Variants in CTNNB1 observed in about 807,000 individuals in gnomAD.
CTNNB1 encodes the protein catenin beta-1.
A neutral mutation model predicts 82.5 loss-of-function variants in CTNNB1; 6 were observed. The observed-to-expected ratio is 0.07, with a 90% CI of 0.04 to 0.14. The LOEUF (loss-of-function observed/expected upper bound fraction) is 0.14, where lower values mean the gene tolerates loss of function less well. Ranked by LOEUF, CTNNB1 falls within the 10% of genes least tolerant of loss-of-function variation. CTNNB1 has a pLI of 1.00. For synonymous variants in CTNNB1, 312 were observed against 329.7 expected, an observed-to-expected ratio of 0.95 and a Z score of 0.58; for missense variants, 529 against 980.4, an observed-to-expected ratio of 0.54 and a Z score of 6.15.
At position 41,239,986 on chromosome 3, in the gene CTNNB1, CTT is replaced by C. The variant is rs1207330730; in HGVS notation, c.*668_*669del. 993 of 32,308 alleles carry C rather than the reference CTT, an allele frequency of 0.031. No homozygotes were observed. The highest frequency in any genetic ancestry group is 0.075 in the East Asian group (216 of 2,886). 2.0% of individuals were successfully genotyped at this position (32,308 alleles called of 1,614,324 possible). On this transcript the variant is annotated 3_prime_UTR_variant, in exon 15 of 15. Coordinates refer to ENST00000349496, the MANE Select transcript of CTNNB1 (RefSeq NM_001904.4). ...TGACTTTGCTTGCTTTGAAGTAGCTCTTTTTTTTTTTTTTTTTTTTTTTTTGC... is the reference window on the plus strand; with the variant it reads ...TGACTTTGCTTGCTTTGAAGTAGCTCTTTTTTTTTTTTTTTTTTTTTTTGC...
intron 1 of CTNNB1, among the ~76,000 whole-genome samples, chr3:41,218,737 AG>A (rs2077970920): frequency 6.6e-6 from 1 of 152,206 alleles, no homozygotes; most frequent in Non-Finnish European, 1.5e-5. Context: ...TAGTATTTTT[AG>A]TAGAGACAGG....
rs554998963 is a variant in CTNNB1 at position 41,227,241 on chromosome 3, T to C, written c.970T>C (p.Leu324=). Reference sequence around the variant, plus strand: ...ACTGGCTAGTGGTGGACCCCAAGCTTTAGTAAATATAATGAGGACCTATAC... The same window carrying C: ...ACTGGCTAGTGGTGGACCCCAAGCTCTAGTAAATATAATGAGGACCTATAC... ...IILASGGPQA[L]VNIMRTYTYE... The change falls in exon 7 of 15, where the codon TTA becomes CTA. Residue 324 remains leucine, a synonymous_variant. Coordinates refer to ENST00000349496, the MANE Select transcript of CTNNB1 (RefSeq NM_001904.4). The C allele has an allele frequency of 9.9e-6, 16 of 1,612,574 alleles. No homozygotes were observed. Among genetic ancestry groups the C allele is most frequent in the Non-Finnish European group, 1.4e-5 (16 of 1,178,736 alleles).
At chr3:41,236,871 C>A in intron 13 of CTNNB1, 162 bp downstream of exon 13, 2 of 832,372 alleles carry the variant, frequency 2.4e-6, no homozygotes, top group Non-Finnish European at 3.9e-6. Flanking sequence ...TGAGGAAGAA[C>A]TATAATACAA....
At chr3:41,238,992 G>GAT in intron 14 of CTNNB1, 142 bp from the exon 15 acceptor site, 2 of 739,082 alleles carry the variant, frequency 2.7e-6, no homozygotes, top group Non-Finnish European at 4.8e-6. Flanking sequence ...GGAGGTTGAA[G>GAT]AGGCTAGAAA....
intron 7 of CTNNB1, among the ~76,000 whole-genome samples, chr3:41,230,189 A>G (rs1334365354): frequency 6.6e-6 from 1 of 152,212 alleles, no homozygotes; most frequent in East Asian, 1.9e-4. Flanking sequence ...TCTTGGGGAT[A>G]GACAAATGTG....
At chr3:41,205,515 T>A (rs778722458) in intron 1 of CTNNB1, among the ~76,000 whole-genome samples, 3 of 151,912 alleles carry the variant, frequency 2.0e-5, no homozygotes, top group Non-Finnish European at 4.4e-5. Flanking sequence ...GCCGACGTGG[T>A]GAATACAAAA....
chr3:41,234,173 G>C lies in CTNNB1; in HGVS notation c.1559G>C (p.Cys520Ser), dbSNP rs1465536580. The C allele has an allele frequency of 6.2e-7, 1 of 1,614,060 alleles. No individual in the cohort carries two copies. The highest frequency in any genetic ancestry group is 1.3e-5 in the African/African-American group (1 of 74,906). ...TVGLIRNLAL[C>S]PANHAPLREQ... is the part of the protein sequence containing the mutation. ...GGATTGATTCGAAATCTTGCCCTTT[G>C]TCCCGCAAATCATGCACCTTTGCGT... The change falls in exon 10 of 15, where the codon TGT (cysteine) becomes TCT (serine). Residue 520 changes from cysteine (C) to serine (S), a missense_variant. By Grantham distance (112) the Cys-to-Ser change is moderately radical. Coordinates refer to ENST00000349496, the MANE Select transcript of CTNNB1 (RefSeq NM_001904.4).
chr3:41,200,840 T>C (rs1214537459), intron 1 of CTNNB1, among the ~76,000 whole-genome samples: 1 of 152,198 alleles, frequency 6.6e-6, no homozygotes, highest in East Asian at 1.9e-4. Flanking sequence ...GGAGGGAGCG[T>C]TGTCTCCTAC....
chr3:41,217,633 T>TA (rs761454061), intron 1 of CTNNB1, among the ~76,000 whole-genome samples: 7 of 152,248 alleles, frequency 4.6e-5, no homozygotes, highest in Non-Finnish European at 7.3e-5. Context: ...AAAGGGTAGT[T>TA]ACACTTTAAT....
At position 41,240,199 on chromosome 3, in the gene CTNNB1, T is replaced by G. The variant is rs1798792; in HGVS notation, c.*857T>G. On this transcript the variant is annotated 3_prime_UTR_variant, in exon 15 of 15. Coordinates refer to ENST00000349496, the MANE Select transcript of CTNNB1 (RefSeq NM_001904.4). Reference sequence around the variant, plus strand: ...TATAAAATAGACAAATAGAAAATGGTCCAATTAGTTTCCTTTTTAATATGC... The same window carrying G: ...TATAAAATAGACAAATAGAAAATGGGCCAATTAGTTTCCTTTTTAATATGC... 1 of 200,852 alleles carries G rather than the reference T, an allele frequency of 5.0e-6. No individual in the cohort carries two copies. Among genetic ancestry groups the G allele is most frequent in the Admixed American group, 6.0e-5 (1 of 16,620 alleles). The allele number at this position is 200,852 out of a possible 1,614,324, so 12.4% of individuals were successfully genotyped here. A position where few individuals can be genotyped will look rare whatever the true frequency, so the allele number is the denominator to read the frequency against.
chr3:41,208,293 T>A (rs2077696351), intron 1 of CTNNB1, among the ~76,000 whole-genome samples: 2 of 152,204 alleles, frequency 1.3e-5, no homozygotes, highest in Non-Finnish European at 2.9e-5. Flanking sequence ...ATATGTTGAT[T>A]TACAGTCTGG....
At chr3:41,228,433 C>T (rs930770778) in intron 7 of CTNNB1, among the ~76,000 whole-genome samples, 2 of 152,142 alleles carry the variant, frequency 1.3e-5, no homozygotes, top group African/African-American at 2.4e-5. Context: ...GAGACGGTAT[C>T]TCATTGTGGT....
chr3:41,221,010 G>A (rs540000355), intron 1 of CTNNB1: 5 of 152,296 alleles, frequency 3.3e-5, no homozygotes, highest in Admixed American at 3.3e-4. Flanking sequence ...AAGTATCCTT[G>A]TAGTTGGAAA....
chr3:41,223,083 A>C (rs2078089035), intron 1 of CTNNB1, among the ~76,000 whole-genome samples: 1 of 152,190 alleles, frequency 6.6e-6, no homozygotes, highest in Non-Finnish European at 1.5e-5. Context: ...TCAAAAAAAA[A>C]CAAAACATAG....
At chr3:41,209,649 A>G (rs1382231943) in intron 1 of CTNNB1, among the ~76,000 whole-genome samples, 2 of 152,234 alleles carry the variant, frequency 1.3e-5, no homozygotes, top group Non-Finnish European at 2.9e-5. Context: ...CCTACTACAC[A>G]TCTAGGCTAT....
chr3:41,205,816 C>T (rs1265853980), intron 1 of CTNNB1, among the ~76,000 whole-genome samples: 1 of 152,110 alleles, frequency 6.6e-6, no homozygotes, highest in Non-Finnish European at 1.5e-5. Flanking sequence ...TATTACGATA[C>T]GATGGTGTAA....
Position 41,236,452 on chromosome 3 carries a change from C to T in CTNNB1, c.1907C>T (p.Ala636Val). Reference protein sequence around the residue: ...EAAEAIEAEGATAPLTELLHS... With the variant: ...EAAEAIEAEGVTAPLTELLHS... The stretch of plus-strand genomic sequence containing the variant: ...GCAGAAGCTATTGAAGCTGAGGGAG[C>T]CACAGCTCCTCTGACAGAGTTACTT... The change falls in exon 12 of 15, where the codon GCC (alanine) becomes GTC (valine). Residue 636 changes from alanine (A) to valine (V), a missense_variant. By Grantham distance (64) the Ala-to-Val change is moderately conservative. Transcript: ENST00000349496. The T allele has an allele frequency of 6.2e-7, 1 of 1,614,170 alleles. No individual in the cohort carries two copies. Among genetic ancestry groups the T allele is most frequent in the East Asian group, 2.2e-5 (1 of 44,888 alleles).
rs369123379 is a variant in CTNNB1 at position 41,201,519 on chromosome 3, G to A, written c.-49+1849G>A. Reference sequence around the variant, plus strand: ...ACAGTAACTTGAAAAACTTTCAGAAGTCTATTCTGTAGGATTAAAGGAATG... The same window carrying A: ...ACAGTAACTTGAAAAACTTTCAGAAATCTATTCTGTAGGATTAAAGGAATG... On this transcript the variant is annotated intron_variant, in intron 1 of 14. Transcript: ENST00000349496. Among the ~76,000 whole-genome samples, 102 of 152,224 alleles carry A rather than the reference G, an allele frequency of 6.7e-4. 1 individual carries two copies. The highest frequency in any genetic ancestry group is 6.8e-3 in the Middle Eastern group (2 of 294).
intron 14 of CTNNB1, 37 bp downstream of exon 14, chr3:41,238,113 A>C (rs747647374): frequency 2.5e-5 from 39 of 1,583,960 alleles, no homozygotes; most frequent in Non-Finnish European, 3.1e-5. Flanking sequence ...CTCCAGATCA[A>C]GCTAAAGTTC....
Sources: allele counts gnomAD v4.1 joint callset (sites outside exome capture counted in the v4.1 genomes callset), GRCh38; gene constraint gnomAD v4.1.1; transcripts MANE v1.5; gene names NCBI Gene and HGNC (gene_info 2026-07-23, HGNC 2026-07-21).